The following KCND2 variants were observed in gnomAD, a reference collection of about 807,000 sequenced individuals.
The protein encoded by KCND2 is potassium voltage-gated channel subfamily D member 2, also known as A-type voltage-gated potassium channel KCND2.
Under a neutral mutation model 54.4 loss-of-function variants are expected in KCND2, and 16 were observed. The ratio of observed to expected loss-of-function variants is 0.29; its 90% CI spans 0.20 to 0.45. The LOEUF (loss-of-function observed/expected upper bound fraction) is 0.45. KCND2 is among the 20% of genes least tolerant of loss of function. KCND2 has a pLI of 1.00. For synonymous variants in KCND2, 317 were observed against 310.7 expected (o/e 1.02, Z -0.21); for missense variants, 486 against 824.2 (o/e 0.59, Z 5.02).
chr7:120,396,315 G>A (rs998415262), intron 1 of KCND2, among the ~76,000 whole-genome samples: 1 of 151,914 alleles, frequency 6.6e-6, no homozygotes, highest in African/African-American at 2.4e-5. Flanking sequence ...TCACAGAATC[G>A]ACTGGCATGT....
intron 1 of KCND2, among the ~76,000 whole-genome samples, chr7:120,591,450 T>C (rs1014784381): frequency 1.3e-5 from 2 of 152,164 alleles, no homozygotes; most frequent in Non-Finnish European, 2.9e-5. Context: ...GGCTAGAAGA[T>C]AATAACACCA....
chr7:120,655,368 T>A (rs1791789587), intron 1 of KCND2, among the ~76,000 whole-genome samples: 1 of 152,080 alleles, frequency 6.6e-6, no homozygotes, highest in African/African-American at 2.4e-5. Flanking sequence ...ATGCCAGCAG[T>A]AATTTACACA....
At chr7:120,431,466 T>A (rs1055417255) in intron 1 of KCND2, among the ~76,000 whole-genome samples, 3 of 152,140 alleles carry the variant, frequency 2.0e-5, no homozygotes, top group African/African-American at 7.2e-5. Flanking sequence ...ATGGTCTCTG[T>A]GACATCAGGG....
chr7:120,295,616 G>C (rs903272714), intron 1 of KCND2, among the ~76,000 whole-genome samples: 6 of 151,910 alleles, frequency 3.9e-5, no homozygotes, highest in African/African-American at 1.4e-4. Flanking sequence ...GAATATTCCA[G>C]ATTGAGAGAA....
chr7:120,488,243 GT>G (rs1314230441), intron 1 of KCND2, among the ~76,000 whole-genome samples: 1 of 151,860 alleles, frequency 6.6e-6, no homozygotes, highest in Non-Finnish European at 1.5e-5. Flanking sequence ...AAGGCATGAA[GT>G]AAAAAGGCCA....
At chr7:120,565,999 A>G (rs1792292467) in intron 1 of KCND2, among the ~76,000 whole-genome samples, 1 of 152,150 alleles carries the variant, frequency 6.6e-6, no homozygotes, top group South Asian at 2.1e-4. Flanking sequence ...GTTCTCCCAG[A>G]CCACAACGCC....
intron 1 of KCND2, among the ~76,000 whole-genome samples, chr7:120,587,217 T>C (rs1183750193): frequency 6.6e-6 from 1 of 152,146 alleles, no homozygotes; most frequent in Non-Finnish European, 1.5e-5. Context: ...CAAGTATGTT[T>C]TTCCCTAATC....
chr7:120,695,112 G>C (rs985236699), intron 1 of KCND2, among the ~76,000 whole-genome samples: 2 of 151,968 alleles, frequency 1.3e-5, no homozygotes, highest in African/African-American at 4.8e-5. Flanking sequence ...AGTACTCCAC[G>C]ATGCTAAATA....
At chr7:120,496,901 GC>G (rs1197742427) in intron 1 of KCND2, among the ~76,000 whole-genome samples, 2 of 152,134 alleles carry the variant, frequency 1.3e-5, no homozygotes, top group African/African-American at 4.8e-5. Context: ...GTATACTCAT[GC>G]TGTACTACCT....
chr7:120,468,110 C>T (rs1016485606), intron 1 of KCND2, among the ~76,000 whole-genome samples: 1 of 151,986 alleles, frequency 6.6e-6, no homozygotes, highest in Non-Finnish European at 1.5e-5. Flanking sequence ...TAATTGGTCT[C>T]TAGGAGAATG....
intron 1 of KCND2, among the ~76,000 whole-genome samples, chr7:120,397,972 AGTGTGT>A (rs372421333): frequency 0.013 from 1,415 of 109,096 alleles, 25 homozygotes; most frequent in African/African-American, 0.032. Flanking sequence ...TGTGTATATA[AGTGTGT>A]GTGTGTGTGT....
intron 1 of KCND2, among the ~76,000 whole-genome samples, chr7:120,334,152 C>T (rs186572850): frequency 1.6e-4 from 25 of 152,186 alleles, no homozygotes; most frequent in Admixed American, 5.9e-4. Context: ...AAAAGGGTAA[C>T]AGGGGTCTTG....
intron 1 of KCND2, among the ~76,000 whole-genome samples, chr7:120,308,677 G>C (rs752498954): frequency 2.6e-5 from 4 of 152,130 alleles, no homozygotes; most frequent in Non-Finnish European, 5.9e-5. Context: ...TCATTAAAAA[G>C]TCATATTGGT....
chr7:120,303,154 A>G (rs1799609379), intron 1 of KCND2, among the ~76,000 whole-genome samples: 1 of 152,186 alleles, frequency 6.6e-6, no homozygotes, highest in South Asian at 2.1e-4. Flanking sequence ...GACTAGAAAA[A>G]CTGTCTTGTC....
chr7:120,404,651 A>T (rs1239520483), intron 1 of KCND2, among the ~76,000 whole-genome samples: 2 of 152,300 alleles, frequency 1.3e-5, no homozygotes, highest in East Asian at 3.9e-4. Context: ...CTAGGGTTCT[A>T]AACCCAGCTT....
At chr7:120,663,016 C>G (rs1053160634) in intron 1 of KCND2, among the ~76,000 whole-genome samples, 1 of 152,176 alleles carries the variant, frequency 6.6e-6, no homozygotes, top group Non-Finnish European at 1.5e-5. Context: ...ATGCAGCTCT[C>G]CAAATCCTCT....
chr7:120,314,828 A>G (rs553268631), intron 1 of KCND2, among the ~76,000 whole-genome samples: 2 of 152,316 alleles, frequency 1.3e-5, no homozygotes, highest in Admixed American at 6.5e-5. Context: ...ATGAAAGTAT[A>G]CAAAATGTTA....
At chr7:120,552,162 G>A (rs1792111902) in intron 1 of KCND2, among the ~76,000 whole-genome samples, 1 of 152,078 alleles carries the variant, frequency 6.6e-6, no homozygotes, top group African/African-American at 2.4e-5. Flanking sequence ...GTGATTAATA[G>A]TGAGACCCAA....
At chr7:120,330,811 T>C (rs1316833971) in intron 1 of KCND2, among the ~76,000 whole-genome samples, 1 of 152,044 alleles carries the variant, frequency 6.6e-6, no homozygotes, top group African/African-American at 2.4e-5. Flanking sequence ...TTTGGCTATT[T>C]TATTATTTTT....
Sources: allele counts gnomAD v4.1 joint callset (sites outside exome capture counted in the v4.1 genomes callset), GRCh38; gene constraint gnomAD v4.1.1; transcripts MANE v1.5; gene names NCBI Gene and HGNC (gene_info 2026-07-23, HGNC 2026-07-21).